Variants in ARHGDIB observed in about 807,000 individuals in gnomAD.
The protein encoded by ARHGDIB is Rho GDP dissociation inhibitor beta.
In ARHGDIB, 20 loss-of-function variants were observed where a neutral mutation model predicts 22.6. That is an observed-to-expected ratio of 0.88 (90% CI 0.62 to 1.28). The LOEUF (loss-of-function observed/expected upper bound fraction) is 1.28. ARHGDIB is among the 50% of genes most tolerant of loss of function. The pLI is 0.00. For synonymous variants in ARHGDIB, 114 were observed against 96.1 expected, an observed-to-expected ratio of 1.19 and a Z score of -1.09; for missense variants, 254 against 245.4, an observed-to-expected ratio of 1.04 and a Z score of -0.23.
Position 14,942,561 on chromosome 12 carries a change from C to T in ARHGDIB, c.567G>A (p.Trp189Ter), listed in dbSNP as rs1054555099. Residue 189 changes from tryptophan to a stop codon, truncating the protein, a stop_gained, in exon 6 of 6, where the codon TGG becomes TGA. Transcript: ENST00000228945. LOFTEE classifies it high-confidence loss of function. Reference sequence around the variant, plus strand: ...CCTTCTTAATCGACAGGTTCCACTCCCAGCTGAGGTGGTCTTGCTTGTCAT... The same window carrying T: ...CCTTCTTAATCGACAGGTTCCACTCTCAGCTGAGGTGGTCTTGCTTGTCAT... ...TDDDKQDHLS[W>*]EWNLSIKKEW... The T allele has an allele frequency of 4.3e-6, 7 of 1,614,130 alleles. No homozygotes were observed. Among genetic ancestry groups the T allele is most frequent in the Non-Finnish European group, 5.1e-6 (6 of 1,180,020 alleles).
Position 14,942,926 on chromosome 12 carries a change from AAGCACAATCTCGGCTC to A in ARHGDIB, c.407-221_407-206del, listed in dbSNP as rs1863906671. 2.0e-5 allele frequency among the ~76,000 whole-genome samples: 3 copies of A among 151,642 alleles called. No individual in the cohort carries two copies. In the South Asian group the frequency reaches 6.2e-4, roughly 32 times the overall value. ...TCTTGTTGTCCAGGCTGGAGTGCGG[AAGCACAATCTCGGCTC>A]ACCACAACCTCCACCTCCCAGGTTC... On this transcript the variant is annotated intron_variant, in intron 5 of 5. Transcript: ENST00000228945.
Position 14,942,288 on chromosome 12 carries a change from T to C in ARHGDIB, c.*234A>G. On this transcript the variant is annotated 3_prime_UTR_variant, in exon 6 of 6. Coordinates refer to ENST00000228945, the MANE Select transcript of ARHGDIB (RefSeq NM_001175.7). Reference sequence around the variant, plus strand: ...ATGATTGTGTACTGAGATGGAGACGTGGAAGATCTGGCCCTGATGGAGGAT... The same window carrying C: ...ATGATTGTGTACTGAGATGGAGACGCGGAAGATCTGGCCCTGATGGAGGAT... The C allele has an allele frequency of 1.8e-6, 1 of 553,642 alleles. No homozygotes were observed. Among genetic ancestry groups the C allele is most frequent in the Admixed American group, 3.1e-5 (1 of 32,556 alleles). 34.3% of individuals were successfully genotyped at this position (553,642 alleles called of 1,614,324 possible).
Position 14,949,895 on chromosome 12 carries a change from C to A in ARHGDIB, c.182-10G>T, listed in dbSNP as rs376021721. 1.3e-5 allele frequency: 21 copies of A among 1,611,636 alleles called. No individual in the cohort carries two copies. The highest frequency in any genetic ancestry group is 1.6e-5 in the Non-Finnish European group (19 of 1,178,912). ...TTGGGGGCTTTCGGATCTGCAGGAT[C>A]GAAAGGGAATGTAAGTACCAAGAAG... On this transcript the variant is annotated splice_polypyrimidine_tract_variant and intron_variant, in intron 2 of 5. Transcript: ENST00000228945.
intron 1 of ARHGDIB, among the ~76,000 whole-genome samples, chr12:14,960,608 AT>A (rs1418615648): frequency 6.6e-6 from 1 of 152,154 alleles, no homozygotes; most frequent in Non-Finnish European, 1.5e-5. Context: ...GGTTCAAGTG[AT>A]TCTCCTGCCT....
At chr12:14,953,961 C>T (rs536789002) in intron 1 of ARHGDIB, among the ~76,000 whole-genome samples, 46 of 148,524 alleles carry the variant, frequency 3.1e-4, no homozygotes, top group African/African-American at 1.1e-3. Context: ...TTCTTTCCTT[C>T]CTTCCTTCCT....
chr12:14,960,896 TG>T (rs1864397551), intron 1 of ARHGDIB, among the ~76,000 whole-genome samples: 1 of 152,224 alleles, frequency 6.6e-6, no homozygotes, highest in Non-Finnish European at 1.5e-5. Context: ...ATTCTATCAC[TG>T]TATGACTCAT....
chr12:14,955,401 T>C (rs1376969012), intron 1 of ARHGDIB, among the ~76,000 whole-genome samples: 2 of 152,206 alleles, frequency 1.3e-5, no homozygotes, highest in African/African-American at 4.8e-5. Flanking sequence ...TAACAAGAGA[T>C]TGATATCGGG....
At chr12:14,947,146 C>A (rs1256154951) in intron 4 of ARHGDIB, among the ~76,000 whole-genome samples, 1 of 152,154 alleles carries the variant, frequency 6.6e-6, no homozygotes, top group African/African-American at 2.4e-5. Context: ...TGAGAGGCCA[C>A]CAAAGCAAAC....
intron 5 of ARHGDIB, among the ~76,000 whole-genome samples, chr12:14,944,555 C>A (rs1265851316): frequency 6.6e-6 from 1 of 152,192 alleles, no homozygotes; most frequent in African/African-American, 2.4e-5. Flanking sequence ...AAAAAGCTGA[C>A]TGCTGAACGT....
chr12:14,946,353 T>C (rs1212247355), intron 4 of ARHGDIB, among the ~76,000 whole-genome samples: 1 of 152,208 alleles, frequency 6.6e-6, no homozygotes, highest in Non-Finnish European at 1.5e-5. Flanking sequence ...GAACATTGAG[T>C]GCAACTAACA....
chr12:14,944,893 C>G, intron 4 of ARHGDIB, 54 bp from the exon 5 acceptor site: 2 of 1,522,422 alleles, frequency 1.3e-6, no homozygotes, highest in Non-Finnish European at 1.8e-6. Flanking sequence ...TTCATTTTTT[C>G]TCATCTTTCA....
rs958928393 is a variant in ARHGDIB, at chr12:14,942,080, C to G, written c.*442G>C. 1.7e-5 allele frequency: 3 copies of G among 177,630 alleles called. No homozygotes were observed. Among genetic ancestry groups the G allele is most frequent in the African/African-American group, 7.1e-5 (3 of 42,396 alleles). The allele number at this position is 177,630 out of a possible 1,614,324, so 11.0% of individuals were successfully genotyped here. A position where few individuals can be genotyped will look rare whatever the true frequency, so the allele number is the denominator to read the frequency against. On this transcript the variant is annotated 3_prime_UTR_variant, in exon 6 of 6. Coordinates refer to ENST00000228945, the MANE Select transcript of ARHGDIB (RefSeq NM_001175.7). ...CTCTTGTGTCGTTTACAGTGTCTCT[C>G]ACAAAAGAAGAACTCCCTCTGGCAG... is the stretch of plus-strand genomic sequence containing the variant.
chr12:14,949,313 G>A (rs928520077), intron 3 of ARHGDIB, among the ~76,000 whole-genome samples: 7 of 152,170 alleles, frequency 4.6e-5, no homozygotes, highest in South Asian at 2.1e-4. Context: ...AGTAGGAGAC[G>A]TTGTTTATTT....
rs142776017 is a variant in ARHGDIB at position 14,946,346 on chromosome 12, C to T, written c.343-1507G>A. Among the ~76,000 whole-genome samples the T allele has an allele frequency of 3.9e-5, 6 of 152,288 alleles. No individual in the cohort carries two copies. The East Asian group carries it at 1.2e-3, about 29-fold the overall frequency. Reference sequence around the variant, plus strand: ...AAGAAGTTTGGGAGGAGAAAAAGAACATTGAGTGCAACTAACAGAGATTGT... The same window carrying T: ...AAGAAGTTTGGGAGGAGAAAAAGAATATTGAGTGCAACTAACAGAGATTGT... On this transcript the variant is annotated intron_variant, in intron 4 of 5. Transcript: ENST00000228945.
chr12:14,949,229 T>C (rs1565461306), intron 3 of ARHGDIB, among the ~76,000 whole-genome samples: 1 of 152,176 alleles, frequency 6.6e-6, no homozygotes, highest in African/African-American at 2.4e-5. Flanking sequence ...CCTCAAGCCC[T>C]AAGTCTCAGG....
Position 14,949,713 on chromosome 12 carries a change from G to T in ARHGDIB, c.265+89C>A. ...GCATATATATCTCTCTGATTCACCAGTTTTCTTCTGTTGGAACAGGAGACA... is the reference window on the plus strand; with the variant it reads ...GCATATATATCTCTCTGATTCACCATTTTTCTTCTGTTGGAACAGGAGACA... On this transcript the variant is annotated intron_variant, in intron 3 of 5. Transcript: ENST00000228945. The T allele has an allele frequency of 3.4e-6, 4 of 1,181,694 alleles. No homozygotes were observed. In the South Asian group the frequency reaches 3.7e-5, roughly 11 times the overall value. 73.2% of individuals were successfully genotyped at this position (1,181,694 alleles called of 1,614,324 possible). A position where few individuals can be genotyped will look rare whatever the true frequency, so the allele number is the denominator to read the frequency against.
Position 14,947,957 on chromosome 12 carries a change from A to G in ARHGDIB, c.266-8T>C, listed in dbSNP as rs1461191747. On this transcript the variant is annotated splice_region_variant and splice_polypyrimidine_tract_variant and intron_variant, in intron 3 of 5. Transcript: ENST00000228945. ...TGAGGGCTTCCAGATCTCCTGTAGA[A>G]GAAGATTTAGAGAGAGTTTATCCTC... 6.2e-7 allele frequency: 1 copy of G among 1,600,714 alleles called. No individual in the cohort carries two copies. Among genetic ancestry groups the G allele is most frequent in the African/African-American group, 1.3e-5 (1 of 74,644 alleles).
At chr12:14,957,539 G>C (rs1260183204) in intron 1 of ARHGDIB, among the ~76,000 whole-genome samples, 1 of 152,192 alleles carries the variant, frequency 6.6e-6, no homozygotes, top group Non-Finnish European at 1.5e-5. Flanking sequence ...ACCTTAAAAT[G>C]AGACTATATT....
chr12:14,943,964 G>T (rs1863945682), intron 5 of ARHGDIB, among the ~76,000 whole-genome samples: 1 of 152,062 alleles, frequency 6.6e-6, no homozygotes. Flanking sequence ...ATATCTTTCA[G>T]GTCAATGGTC....
Sources: allele counts gnomAD v4.1 joint callset (sites outside exome capture counted in the v4.1 genomes callset), GRCh38; gene constraint gnomAD v4.1.1; transcripts MANE v1.5; gene names NCBI Gene and HGNC (gene_info 2026-07-23, HGNC 2026-07-21).